The following OR51B5 variants were observed in gnomAD, a reference collection of about 807,000 sequenced individuals.
The protein encoded by OR51B5 is olfactory receptor 51B5.
For synonymous variants in OR51B5, 186 were observed against 144.8 expected (o/e 1.28, Z -2.04); for missense variants, 456 against 374.6 (o/e 1.22, Z -1.79).
chr11:5,359,640 C>G (rs1209140788), intron 1 of OR51B5, among the ~76,000 whole-genome samples: 2 of 148,590 alleles, frequency 1.3e-5, no homozygotes, highest in Admixed American at 1.3e-4. Flanking sequence ...TTGGAAAAAA[C>G]TACTTTAAAG....
chr11:5,454,242 T>C (rs1400799143), intron 1 of OR51B5: 6 of 1,614,118 alleles, frequency 3.7e-6, no homozygotes, highest in South Asian at 1.1e-5. Context: ...ACTTGCATTT[T>C]ATGTGCCAAT....
In OR51B5 at chr11:5,417,963, G is replaced by A. The variant is rs1233594040; in HGVS notation, n.85-71053C>T. 2.4e-4 allele frequency among the ~76,000 whole-genome samples: 35 copies of A among 147,696 alleles called. No individual in the cohort carries two copies. The East Asian group carries it at 3.2e-3, about 13-fold the overall frequency. On this transcript the variant is annotated intron_variant and non_coding_transcript_variant, in intron 1 of 4. Transcript: ENST00000415970. ...TGCTGCTATAAAGACACATGCACAC[G>A]TATGTTTATTGCGGCACTACTCACA...
intron 1 of OR51B5, among the ~76,000 whole-genome samples, chr11:5,486,853 TAC>T (rs1851506381): frequency 6.6e-6 from 1 of 152,096 alleles, no homozygotes; most frequent in African/African-American, 2.4e-5. Context: ...TTCTTTGTAT[TAC>T]AGTCCTAGGT....
intron 1 of OR51B5, among the ~76,000 whole-genome samples, chr11:5,466,205 G>T (rs1474581254): frequency 6.6e-6 from 1 of 152,134 alleles, no homozygotes; most frequent in East Asian, 1.9e-4. Context: ...TTACCAGTTT[G>T]AACAAATATA....
At chr11:5,394,097 T>G (rs1413752898) in intron 1 of OR51B5, among the ~76,000 whole-genome samples, 1 of 152,004 alleles carries the variant, frequency 6.6e-6, no homozygotes, top group Non-Finnish European at 1.5e-5. Flanking sequence ...ATTTTAAGAG[T>G]TATAGATTCA....
At chr11:5,410,289 T>C (rs1414287944) in intron 1 of OR51B5, among the ~76,000 whole-genome samples, 1 of 152,140 alleles carries the variant, frequency 6.6e-6, no homozygotes, top group African/African-American at 2.4e-5. Flanking sequence ...TGAACTATAA[T>C]TGTGGCAGGA....
chr11:5,467,662 A>C (rs1486191808), intron 1 of OR51B5, among the ~76,000 whole-genome samples: 2 of 152,090 alleles, frequency 1.3e-5, no homozygotes, highest in African/African-American at 4.8e-5. Context: ...TTCTCTGTGA[A>C]TTTGCTGACA....
At chr11:5,349,582 G>C (rs1184410633) in intron 1 of OR51B5, among the ~76,000 whole-genome samples, 1 of 152,032 alleles carries the variant, frequency 6.6e-6, no homozygotes, top group African/African-American at 2.4e-5. Flanking sequence ...TATGTGAGGT[G>C]ATAGATATAT....
rs562388703 is a variant in OR51B5, at chr11:5,403,707, G to T, written n.85-56797C>A. ...GTCCATGAACTGAGGTGAGGGTGCA[G>T]GTAGAGGTGAATTATGTGTGACAGA... On this transcript the variant is annotated intron_variant and non_coding_transcript_variant, in intron 1 of 4. Transcript: ENST00000415970. Among the ~76,000 whole-genome samples, 70 of 152,314 alleles carry T rather than the reference G, an allele frequency of 4.6e-4. 3 individuals are homozygous for T. In the South Asian group the frequency reaches 0.014, roughly 30 times the overall value.
At chr11:5,451,547 G>A (rs927446473) in intron 1 of OR51B5, among the ~76,000 whole-genome samples, 58 of 152,288 alleles carry the variant, frequency 3.8e-4, no homozygotes, top group African/African-American at 1.4e-3. Flanking sequence ...ACAACACGGA[G>A]GGACAGCCAC....
intron 1 of OR51B5, among the ~76,000 whole-genome samples, chr11:5,476,134 T>C (rs1168926789): frequency 1.3e-5 from 2 of 152,224 alleles, no homozygotes; most frequent in African/African-American, 4.8e-5. Context: ...GAGAATCCTT[T>C]TCTTGGATAC....
chr11:5,502,809 C>T (rs1298737507), intron 1 of OR51B5, among the ~76,000 whole-genome samples: 2 of 152,182 alleles, frequency 1.3e-5, no homozygotes, highest in Non-Finnish European at 2.9e-5. Flanking sequence ...AGAACAGTGC[C>T]TAGTTTTCCG....
At chr11:5,377,489 G>A (rs778972381) in intron 1 of OR51B5, among the ~76,000 whole-genome samples, 1 of 152,086 alleles carries the variant, frequency 6.6e-6, no homozygotes, top group African/African-American at 2.4e-5. Flanking sequence ...AGGAAAAAAG[G>A]GTATTCAATT....
At chr11:5,460,573 C>T (rs1250534278) in intron 1 of OR51B5, among the ~76,000 whole-genome samples, 3 of 150,370 alleles carry the variant, frequency 2.0e-5, no homozygotes, top group African/African-American at 7.4e-5. Flanking sequence ...AATTCTTTAT[C>T]TGTCATTTTA....
chr11:5,393,938 C>T (rs1381917707), intron 1 of OR51B5, among the ~76,000 whole-genome samples: 2 of 152,164 alleles, frequency 1.3e-5, no homozygotes, highest in Non-Finnish European at 2.9e-5. Context: ...CCATGTTATA[C>T]TGAAGGAAGT....
intron 1 of OR51B5, among the ~76,000 whole-genome samples, chr11:5,471,354 T>C (rs1851225210): frequency 6.6e-6 from 1 of 152,122 alleles, no homozygotes; most frequent in Non-Finnish European, 1.5e-5. Flanking sequence ...ATTGATCAAA[T>C]AGGCCAGGTA....
intron 1 of OR51B5, among the ~76,000 whole-genome samples, chr11:5,439,702 C>A (rs532794898): frequency 6.6e-6 from 1 of 152,220 alleles, no homozygotes; most frequent in African/African-American, 2.4e-5. Flanking sequence ...ATATCGAGAA[C>A]CACTTTTCCA....
intron 1 of OR51B5, among the ~76,000 whole-genome samples, chr11:5,482,050 C>G (rs1418120708): frequency 8.3e-6 from 1 of 120,390 alleles, no homozygotes; most frequent in Non-Finnish European, 1.7e-5. Flanking sequence ...ATCACCAAGG[C>G]AATCCTAAGC....
rs1353327367 is a variant in OR51B5 at position 5,479,638 on chromosome 11, G to A, written n.84+25931C>T. Among the ~76,000 whole-genome samples, 271 of 152,078 alleles carry A rather than the reference G, an allele frequency of 1.8e-3. 2 individuals are homozygous for A. The highest frequency in any genetic ancestry group is 2.7e-3 in the African/African-American group (110 of 41,448). ...ATCCATCTCATGTGCAGAGACACAC[G>A]TAGGCTCAAAATAAAAGGATGGAGG... is the stretch of plus-strand genomic sequence containing the variant. On this transcript the variant is annotated intron_variant and non_coding_transcript_variant, in intron 1 of 4. Coordinates refer to the OR51B5 transcript ENST00000415970.
Sources: allele counts gnomAD v4.1 joint callset (sites outside exome capture counted in the v4.1 genomes callset), GRCh38; gene constraint gnomAD v4.1.1; transcripts MANE v1.5; gene names NCBI Gene and HGNC (gene_info 2026-07-23, HGNC 2026-07-21).